Variants in KCNMA1 observed in about 807,000 individuals in gnomAD.
KCNMA1 encodes Calcium-activated potassium channel subunit alpha-1.
In KCNMA1, 29 loss-of-function variants were observed where a neutral mutation model predicts 140.0. That is an observed-to-expected ratio of 0.21 (90% CI 0.15 to 0.28). KCNMA1 has a LOEUF of 0.28. Ranked by LOEUF, KCNMA1 falls within the 10% of genes least tolerant of loss-of-function variation. KCNMA1 has a pLI of 1.00. For synonymous variants in KCNMA1, 612 were observed against 611.9 expected (o/e 1.00, Z 0.00); for missense variants, 880 against 1,602.2 (o/e 0.55, Z 7.70).
At chr10:77,595,796 G>A (rs923479825) in intron 1 of KCNMA1, among the ~76,000 whole-genome samples, 13 of 152,024 alleles carry the variant, frequency 8.6e-5, no homozygotes, top group African/African-American at 2.2e-4. Flanking sequence ...CTACAGGTGC[G>A]CGCCATCATG....
chr10:77,150,749 AAAG>A (rs532604538), intron 5 of KCNMA1, among the ~76,000 whole-genome samples: 78 of 152,336 alleles, frequency 5.1e-4, no homozygotes, highest in Admixed American at 5.0e-3. Context: ...TGAGAGAGAT[AAAG>A]AAGATAATAA....
chr10:77,422,227 AC>A, intron 1 of KCNMA1, among the ~76,000 whole-genome samples: 1 of 152,224 alleles, frequency 6.6e-6, no homozygotes, highest in East Asian at 1.9e-4. Flanking sequence ...TGGGTCTCAA[AC>A]TTTAGTGTGC....
In KCNMA1 at chr10:77,184,862, C is replaced by T. The variant is rs2098835683; in HGVS notation, c.657G>A (p.Met219Ile). Residue 219 changes from methionine to isoleucine, a missense_variant, in exon 4 of 28, where the codon ATG becomes ATA. By Grantham distance (10) the Met-to-Ile change is conservative. Around this residue, in one of 13 missense-constraint regions of KCNMA1, gnomAD observed 198 missense variants for 580.1 expected, o/e 0.34. Transcript: ENST00000286628. ...FYKDFTLQID[M>I]AFNVFFLLYF... ...AGAGAAGGAAGAACACGTTGAAAGC[C>T]ATGTCGATCTGTAATGTGAAATCTT... The T allele has an allele frequency of 6.2e-7, 1 of 1,612,954 alleles. No individual in the cohort carries two copies. The highest frequency in any genetic ancestry group is 8.5e-7 in the Non-Finnish European group (1 of 1,179,064).
intron 2 of KCNMA1, among the ~76,000 whole-genome samples, chr10:77,373,468 A>G (rs891420644): frequency 6.6e-6 from 1 of 152,210 alleles, no homozygotes; most frequent in Non-Finnish European, 1.5e-5. Context: ...TGAACATCTT[A>G]CGGAGTTATT....
rs1320295297 is a variant in KCNMA1 at position 77,568,814 on chromosome 10, A to G, written c.378+68451T>C. ...CAAATTGTCCCTGTTTGCAGATGAC[A>G]TGATTGTATATCTAGAAAACCCCAT... On this transcript the variant is annotated intron_variant, in intron 1 of 27. Transcript: ENST00000286628. Among the ~76,000 whole-genome samples, 8 of 151,664 alleles carry G rather than the reference A, an allele frequency of 5.3e-5. No individual in the cohort carries two copies. The South Asian group carries it at 6.3e-4, about 12-fold the overall frequency.
At chr10:77,345,858 A>G (rs2092023247) in intron 2 of KCNMA1, among the ~76,000 whole-genome samples, 1 of 152,166 alleles carries the variant, frequency 6.6e-6, no homozygotes, top group Admixed American at 6.5e-5. Flanking sequence ...TAATGATGGG[A>G]TAAATGAATG....
At chr10:77,006,012 A>G (rs2088433557) in intron 18 of KCNMA1, among the ~76,000 whole-genome samples, 1 of 152,202 alleles carries the variant, frequency 6.6e-6, no homozygotes, top group Admixed American at 6.5e-5. Flanking sequence ...ATGGATAATC[A>G]GCTGTCAAAC....
intron 3 of KCNMA1, among the ~76,000 whole-genome samples, chr10:77,202,537 T>A (rs560813634): frequency 6.6e-6 from 1 of 152,328 alleles, no homozygotes; most frequent in East Asian, 1.9e-4. Flanking sequence ...GTCCCTGTTT[T>A]GTCCTTCCCA....
chr10:76,876,156 C>T (rs1343500573), downstream of KCNMA1: 2 of 152,594 alleles, frequency 1.3e-5, no homozygotes, highest in Non-Finnish European at 2.9e-5. Context: ...TTGCTTTGCT[C>T]TGATCTGATT....
At chr10:77,431,918 G>A (rs369905261) in intron 1 of KCNMA1, among the ~76,000 whole-genome samples, 16 of 152,010 alleles carry the variant, frequency 1.1e-4, no homozygotes, top group African/African-American at 2.9e-4. Context: ...ACTTGGACCC[G>A]GGAGGCAGAG....
At chr10:76,947,773 T>G (rs2064637538) in intron 22 of KCNMA1, among the ~76,000 whole-genome samples, 1 of 152,204 alleles carries the variant, frequency 6.6e-6, no homozygotes, top group Non-Finnish European at 1.5e-5. Context: ...GAGTCCCTAT[T>G]GTGTCAGGCA....
chr10:76,879,226 C>T (rs2033517403), intron 29 of KCNMA1, among the ~76,000 whole-genome samples: 1 of 152,100 alleles, frequency 6.6e-6, no homozygotes, highest in African/African-American at 2.4e-5. Flanking sequence ...CTGTCAATGT[C>T]GAGGAGGGCT....
chr10:77,540,545 G>A (rs1156745497), intron 1 of KCNMA1, among the ~76,000 whole-genome samples: 1 of 152,106 alleles, frequency 6.6e-6, no homozygotes, highest in Non-Finnish European at 1.5e-5. Context: ...TTGTAGTGCT[G>A]GCAGTAGTAA....
At chr10:77,472,250 CACAT>C (rs2098178550) in intron 1 of KCNMA1, among the ~76,000 whole-genome samples, 1 of 151,492 alleles carries the variant, frequency 6.6e-6, no homozygotes, top group Non-Finnish European at 1.5e-5. Context: ...TAGACACAGA[CACAT>C]ACACATAGCA....
At chr10:77,289,395 C>G (rs2072330168) in intron 2 of KCNMA1, among the ~76,000 whole-genome samples, 1 of 152,190 alleles carries the variant, frequency 6.6e-6, no homozygotes, top group Non-Finnish European at 1.5e-5. Context: ...AGCCGGCGTC[C>G]CTCCAGGTAT....
chr10:76,977,734 A>C, intron 19 of KCNMA1: 1 of 683,144 alleles, frequency 1.5e-6, no homozygotes, highest in East Asian at 2.7e-5. Flanking sequence ...TAGCTTAGTG[A>C]CTCTACTGTC....
At chr10:77,408,706 G>A (rs2096551327) in intron 1 of KCNMA1, among the ~76,000 whole-genome samples, 1 of 152,188 alleles carries the variant, frequency 6.6e-6, no homozygotes, top group Admixed American at 6.5e-5. Flanking sequence ...GGAGAAAAAT[G>A]AGAGGTGAGG....
chr10:76,963,320 G>C (rs965982481), intron 20 of KCNMA1, among the ~76,000 whole-genome samples: 1 of 152,148 alleles, frequency 6.6e-6, no homozygotes, highest in African/African-American at 2.4e-5. Flanking sequence ...CAATCCCCAG[G>C]CCAGATCTGC....
chr10:76,992,384 A>G (rs369688102), intron 19 of KCNMA1, among the ~76,000 whole-genome samples: 348 of 152,348 alleles, frequency 2.3e-3, no homozygotes, highest in Non-Finnish European at 4.2e-3. Flanking sequence ...CTGAGATTTC[A>G]AATGCAAGGG....
Sources: gnomAD v4.1 joint callset for allele counts (sites outside exome capture counted in the v4.1 genomes callset) on GRCh38, gnomAD v4.1.1 for gene constraint, gnomAD v4.1.1 regional missense constraint, MANE v1.5 for transcripts, NCBI Gene and HGNC (gene_info 2026-07-23, HGNC 2026-07-21) for gene names.